Variants in WDR36 observed in about 807,000 individuals in gnomAD.
The protein encoded by WDR36 is WD repeat-containing protein 36.
A neutral mutation model predicts 112.7 loss-of-function variants in WDR36; 63 were observed. The observed-to-expected ratio is 0.56, with a 90% CI of 0.46 to 0.69. The LOEUF (loss-of-function observed/expected upper bound fraction) is 0.69, where lower values mean the gene tolerates loss of function less well. WDR36 is among the 30% of genes least tolerant of loss of function. The pLI is 0.00. For missense variants in WDR36, 1,226 were observed against 1,070.3 expected, an observed-to-expected ratio of 1.15 and a Z score of -2.03; for synonymous variants, 410 against 362.2, an observed-to-expected ratio of 1.13 and a Z score of -1.50.
chr5:111,104,459 ATGGAATGAGATAT>A (rs1409743552), intron 8 of WDR36, 107 bp downstream of exon 8: 4 of 1,487,626 alleles, frequency 2.7e-6, no homozygotes, highest in Admixed American at 1.7e-5. Context: ...TGAAAGGAAT[ATGGAATGAGATAT>A]TGGTATAGAT....
chr5:111,112,331 T>C (rs564098563), intron 15 of WDR36, among the ~76,000 whole-genome samples: 1 of 152,152 alleles, frequency 6.6e-6, no homozygotes, highest in Non-Finnish European at 1.5e-5. Context: ...TTTCCCATCC[T>C]TTACTATCTG....
At chr5:111,110,110 A>T in intron 12 of WDR36, 79 bp from the exon 13 acceptor site, 1 of 948,830 alleles carries the variant, frequency 1.1e-6, no homozygotes, top group Non-Finnish European at 1.7e-6. Context: ...GAACAAGTAG[A>T]TAAAAAAATG....
chr5:111,119,901 A>C (rs1211359636), intron 17 of WDR36, among the ~76,000 whole-genome samples: 1 of 152,136 alleles, frequency 6.6e-6, no homozygotes, highest in East Asian at 1.9e-4. Flanking sequence ...GGCCCTTCTC[A>C]ATGAAGTACT....
chr5:111,114,812 A>G (rs918221815), intron 16 of WDR36, among the ~76,000 whole-genome samples: 3 of 152,228 alleles, frequency 2.0e-5, no homozygotes, highest in African/African-American at 7.2e-5. Flanking sequence ...AGAAAGTTGT[A>G]TAAATAGTAG....
Position 111,123,865 on chromosome 5 carries a change from A to G in WDR36, c.2209A>G (p.Thr737Ala), listed in dbSNP as rs750484032. The change falls in exon 20 of 23, where the codon ACA becomes GCA. Residue 737 changes from threonine to alanine, a missense_variant. Thr to Ala is a moderately conservative substitution (Grantham distance 58). Transcript: ENST00000513710. Reference sequence around the variant, plus strand: ...CAAATCAGCACCATTTTTCATTCCAACAATTCCTGGCCTTGTACCCAGATA... The same window carrying G: ...CAAATCAGCACCATTTTTCATTCCAGCAATTCCTGGCCTTGTACCCAGATA... Reference protein sequence around the residue: ...VPKSAPFFIPTIPGLVPRYAA... With the variant: ...VPKSAPFFIPAIPGLVPRYAA... 1.9e-6 allele frequency: 3 copies of G among 1,613,924 alleles called. No homozygotes were observed. The East Asian group carries it at 6.7e-5, about 36-fold the overall frequency.
chr5:111,111,323 T>C, intron 15 of WDR36, 45 bp downstream of exon 15: 3 of 1,461,724 alleles, frequency 2.1e-6, no homozygotes, highest in Non-Finnish European at 2.9e-6. Context: ...TTTCTACTTT[T>C]GTTTGGGTGT....
intron 21 of WDR36, among the ~76,000 whole-genome samples, chr5:111,124,525 A>G (rs147028444): frequency 4.1e-4 from 62 of 152,234 alleles, no homozygotes; most frequent in South Asian, 6.2e-4. Context: ...TCGTTTTTGT[A>G]GCAAGTAATT....
At chr5:111,113,440 C>CG (rs1753389465) in intron 16 of WDR36, among the ~76,000 whole-genome samples, 1 of 105,128 alleles carries the variant, frequency 9.5e-6, no homozygotes, top group Non-Finnish European at 1.9e-5. Flanking sequence ...GCTCATTTGA[C>CG]CTTTTTGATA....
intron 17 of WDR36, 63 bp from the exon 18 acceptor site, chr5:111,120,433 A>G: frequency 8.0e-7 from 1 of 1,246,676 alleles, no homozygotes; most frequent in Non-Finnish European, 1.2e-6. Flanking sequence ...AAGATTGTAG[A>G]GTGTTTCTCT....
chr5:111,119,616 C>G (rs1046199504), intron 17 of WDR36, among the ~76,000 whole-genome samples: 1 of 152,078 alleles, frequency 6.6e-6, no homozygotes, highest in Non-Finnish European at 1.5e-5. Context: ...AAGGGACTGT[C>G]ATTGCTCATA....
In WDR36 at chr5:111,126,873, C is replaced by T. The variant is rs772153302; in HGVS notation, c.2678C>T (p.Ala893Val). ...SMCILNYLKS[A>V]LL ...TGTATTTTAAATTATCTCAAAAGTGCTTTGTTGTAAAAATAAATTTGTGAC... is the reference window on the plus strand; with the variant it reads ...TGTATTTTAAATTATCTCAAAAGTGTTTTGTTGTAAAAATAAATTTGTGAC... The change falls in exon 23 of 23, where the codon GCT (alanine) becomes GTT (valine). Residue 893 changes from alanine to valine, a missense_variant. Transcript: ENST00000513710. 1.2e-6 allele frequency: 2 copies of T among 1,601,256 alleles called. No homozygotes were observed. The highest frequency in any genetic ancestry group is 4.5e-5 in the East Asian group (2 of 44,640).
chr5:111,092,691 C>G, intron 1 of WDR36, 73 bp downstream of exon 1: 1 of 1,495,688 alleles, frequency 6.7e-7, no homozygotes, highest in Non-Finnish European at 9.1e-7. Flanking sequence ...TGGAGCAGTC[C>G]GGTTCTCCCT....
intron 16 of WDR36, among the ~76,000 whole-genome samples, chr5:111,118,130 C>T (rs565800307): frequency 6.6e-6 from 1 of 152,164 alleles, no homozygotes; most frequent in Non-Finnish European, 1.5e-5. Flanking sequence ...AAGATTAACA[C>T]AAACTCAGGT....
intron 1 of WDR36, among the ~76,000 whole-genome samples, chr5:111,094,504 G>C (rs1301307312): frequency 6.6e-6 from 1 of 152,098 alleles, no homozygotes; most frequent in African/African-American, 2.4e-5. Context: ...TGGGGGTAGG[G>C]AGAAGGATAT....
At chr5:111,114,943 G>T (rs907294729) in intron 16 of WDR36, among the ~76,000 whole-genome samples, 3 of 152,048 alleles carry the variant, frequency 2.0e-5, no homozygotes, top group Admixed American at 2.0e-4. Flanking sequence ...TTCGTCTTTG[G>T]AATGAAAAAA....
At chr5:111,125,023 C>T (rs1260553935) in intron 21 of WDR36, among the ~76,000 whole-genome samples, 1 of 152,200 alleles carries the variant, frequency 6.6e-6, no homozygotes, top group Non-Finnish European at 1.5e-5. Context: ...TGTAAGTGTA[C>T]TGAGTGTGTT....
intron 19 of WDR36, among the ~76,000 whole-genome samples, chr5:111,123,475 A>G (rs1057503689): frequency 6.6e-6 from 1 of 152,226 alleles, no homozygotes; most frequent in Non-Finnish European, 1.5e-5. Flanking sequence ...TCAATACAAA[A>G]GGAAGTTTAA....
At chr5:111,121,335 C>T (rs1753563111) in intron 19 of WDR36, among the ~76,000 whole-genome samples, 194 bp downstream of exon 19, 1 of 152,082 alleles carries the variant, frequency 6.6e-6, no homozygotes, top group Non-Finnish European at 1.5e-5. Context: ...TATATATCAA[C>T]TTTGAGAACA....
intron 5 of WDR36, 142 bp downstream of exon 5, chr5:111,100,863 T>G: frequency 1.4e-6 from 1 of 710,200 alleles, no homozygotes; most frequent in Non-Finnish European, 2.3e-6. Context: ...GTCCCCTGTA[T>G]CAGAGGAGTC....
Sources: allele counts gnomAD v4.1 joint callset (sites outside exome capture counted in the v4.1 genomes callset), GRCh38; gene constraint gnomAD v4.1.1; transcripts MANE v1.5; gene names NCBI Gene and HGNC (gene_info 2026-07-23, HGNC 2026-07-21).